HERC6: variants seen among roughly 807,000 people sequenced by gnomAD.
The protein encoded by HERC6 is HECT and RLD domain containing E3 ubiquitin protein ligase family member 6.
Under a neutral mutation model 114.5 loss-of-function variants are expected in HERC6, and 101 were observed. The observed-to-expected ratio is 0.88, with a 90% confidence interval of 0.75 to 1.04. The LOEUF (loss-of-function observed/expected upper bound fraction) is 1.04, where lower values mean the gene tolerates loss of function less well. HERC6 is among the 50% of genes least tolerant of loss of function. HERC6 has a pLI of 0.00. For missense variants in HERC6, 1,133 were observed against 1,230.9 expected (o/e 0.92, Z 1.19); for synonymous variants, 408 against 436.2 (o/e 0.94, Z 0.81).
intron 4 of HERC6, among the ~76,000 whole-genome samples, chr4:88,393,207 A>G (rs1459470897): frequency 1.3e-5 from 2 of 152,274 alleles, no homozygotes; most frequent in Non-Finnish European, 2.9e-5. Flanking sequence ...CTCCCAAGGT[A>G]GGGTTTTTCC....
chr4:88,439,925 A>G lies in HERC6; in HGVS notation c.2607A>G (p.Lys869=), dbSNP rs185317409. The G allele has an allele frequency of 5.9e-5, 94 of 1,604,712 alleles. No individual in the cohort carries two copies. The Admixed American group carries it at 1.6e-3, about 27-fold the overall frequency. The part of the protein sequence containing the change: ...YIDYIFNVSV[K]AVYEEFQRGF... ...ATTACATTTTCAACGTCTCTGTAAA[A>G]GCAGTTTATGAGGAATTTCAGAGAG... Residue 869 remains lysine, a synonymous_variant, in exon 21 of 23, where the codon AAA becomes AAG. Transcript: ENST00000264346.
At chr4:88,397,244 C>T (rs1483972566) in intron 7 of HERC6, among the ~76,000 whole-genome samples, 1 of 151,770 alleles carries the variant, frequency 6.6e-6, no homozygotes, top group African/African-American at 2.4e-5. Context: ...TCCTGAGTAG[C>T]TGGGATTACA....
At chr4:88,393,641 A>C in intron 5 of HERC6, 59 bp downstream of exon 5, 1 of 1,006,474 alleles carries the variant, frequency 9.9e-7, no homozygotes, top group South Asian at 1.4e-5. Flanking sequence ...CAAGATACAT[A>C]TGTACTAATT....
At chr4:88,400,332 G>A (rs1055205980) in intron 8 of HERC6, among the ~76,000 whole-genome samples, 5 of 152,118 alleles carry the variant, frequency 3.3e-5, no homozygotes, top group African/African-American at 9.7e-5. Context: ...CTCCCGAGTA[G>A]CCAGGGCTAC....
chr4:88,380,393 AAT>A (rs1189378220), intron 1 of HERC6, among the ~76,000 whole-genome samples: 8 of 93,438 alleles, frequency 8.6e-5, no homozygotes, highest in Non-Finnish European at 1.4e-4. Flanking sequence ...ATAATATATA[AAT>A]ATATATATAT....
rs577347522 is a variant in HERC6, at chr4:88,427,749, G to A, written c.1936-831G>A. 3.9e-5 allele frequency among the ~76,000 whole-genome samples: 6 copies of A among 152,286 alleles called. No individual in the cohort carries two copies. The East Asian group carries it at 1.2e-3, about 29-fold the overall frequency. On this transcript the variant is annotated intron_variant, in intron 15 of 22. Transcript: ENST00000264346. Reference sequence around the variant, plus strand: ...ATAGCTATTATCCTCTGGTCTTGCTGTCACGATTTCAGGACAGGCCCTATG... The same window carrying A: ...ATAGCTATTATCCTCTGGTCTTGCTATCACGATTTCAGGACAGGCCCTATG...
chr4:88,386,819 C>T (rs1415284727), intron 3 of HERC6, among the ~76,000 whole-genome samples: 1 of 152,154 alleles, frequency 6.6e-6, no homozygotes, highest in African/African-American at 2.4e-5. Context: ...TTATGCCTTG[C>T]TTTTAGGCAG....
chr4:88,409,615 G>A (rs72879365), intron 11 of HERC6, among the ~76,000 whole-genome samples: 1 of 152,152 alleles, frequency 6.6e-6, no homozygotes, highest in African/African-American at 2.4e-5. Context: ...TGGGAAGCAG[G>A]ATAACCTTAT....
intron 15 of HERC6, among the ~76,000 whole-genome samples, chr4:88,427,371 C>T (rs551776382): frequency 6.6e-6 from 1 of 152,066 alleles, no homozygotes; most frequent in African/African-American, 2.4e-5. Flanking sequence ...GAGGACATTG[C>T]TGGCCACAAA....
intron 19 of HERC6, 139 bp from the exon 20 acceptor site, chr4:88,437,572 T>C (rs1738888480): frequency 1.6e-6 from 1 of 634,886 alleles, no homozygotes; most frequent in Non-Finnish European, 2.8e-6. Flanking sequence ...TTTAAAAGGC[T>C]GAACTACATA....
intron 2 of HERC6, among the ~76,000 whole-genome samples, chr4:88,383,677 C>T (rs923668247): frequency 7.2e-6 from 1 of 138,834 alleles, no homozygotes; most frequent in East Asian, 2.4e-4. Context: ...GCGGGAGAAT[C>T]GCTTGAACCT....
Position 88,383,320 on chromosome 4 carries a change from G to T in HERC6, c.299G>T (p.Gly100Val). The T allele has an allele frequency of 6.4e-7, 1 of 1,568,610 alleles. No homozygotes were observed. Among genetic ancestry groups the T allele is most frequent in the South Asian group, 1.2e-5 (1 of 84,762 alleles). Residue 100 changes from glycine to valine, a missense_variant, in exon 2 of 23, where the codon GGA becomes GTA. Gly to Val is a moderately radical substitution (Grantham distance 109). Transcript: ENST00000264346. ...VCHKGRVFAWGAGSEGQLGIG... is the reference protein window; with the variant it reads ...VCHKGRVFAWVAGSEGQLGIG... ...CACAAAGGAAGGGTCTTCGCATGGG[G>T]AGCTGGTTCTGAAGGGCAGCTGGGG...
chr4:88,439,937 G>T lies in HERC6; in HGVS notation c.2619G>T (p.Glu873Asp). ...IFNVSVKAVY[E>D]EFQRGFYRVC... The stretch of plus-strand genomic sequence containing the variant: ...ACGTCTCTGTAAAAGCAGTTTATGA[G>T]GAATTTCAGAGAGGATTTTATAGAG... Residue 873 changes from glutamate (E) to aspartate (D), a missense_variant, in exon 21 of 23, where the codon GAG becomes GAT. This residue lies in a region of HERC6 where 388 missense variants were observed against 445.9 expected (regional missense o/e 0.87). Transcript: ENST00000264346. The T allele has an allele frequency of 6.2e-7, 1 of 1,605,970 alleles. No homozygotes were observed. Among genetic ancestry groups the T allele is most frequent in the African/African-American group, 1.4e-5 (1 of 74,054 alleles).
At chr4:88,435,642 C>T (rs1174061829) in intron 17 of HERC6, 83 bp from the exon 18 acceptor site, 2 of 977,862 alleles carry the variant, frequency 2.0e-6, no homozygotes, top group South Asian at 4.3e-5. Flanking sequence ...AAAAGGGAAC[C>T]ACATTTTTTT....
chr4:88,417,213 CA>C (rs1489008582), intron 12 of HERC6, among the ~76,000 whole-genome samples: 1 of 152,006 alleles, frequency 6.6e-6, no homozygotes, highest in African/African-American at 2.4e-5. Context: ...TTGAGCTTTT[CA>C]AAATTCTAAT....
chr4:88,430,188 A>G (rs1267792755), intron 16 of HERC6, among the ~76,000 whole-genome samples: 1 of 152,220 alleles, frequency 6.6e-6, no homozygotes, highest in Admixed American at 6.5e-5. Flanking sequence ...ATTAAAAGAT[A>G]AAAGTAAATT....
Position 88,383,210 on chromosome 4 carries a change from G to A in HERC6, c.200-11G>A, listed in dbSNP as rs776773165. The A allele has an allele frequency of 6.2e-6, 10 of 1,607,996 alleles. 1 individual carries two copies. The South Asian group carries it at 1.1e-4, about 18-fold the overall frequency. On this transcript the variant is annotated splice_polypyrimidine_tract_variant and intron_variant, in intron 1 of 22. Coordinates refer to ENST00000264346, the MANE Select transcript of HERC6 (RefSeq NM_017912.4). ...TGGTGGTTGGGGGGTGTTTTGTTTT[G>A]TTTCCCAAAGAACCAATTCAGGCAT... is the stretch of plus-strand genomic sequence containing the variant.
chr4:88,384,132 T>C (rs28532472), intron 2 of HERC6, among the ~76,000 whole-genome samples: 22,582 of 152,162 alleles, frequency 0.15, 1,888 homozygotes, highest in Non-Finnish European at 0.19. Flanking sequence ...TCAGTTGTCA[T>C]TAAGATAGAC....
At chr4:88,383,984 AC>A (rs1314157135) in intron 2 of HERC6, among the ~76,000 whole-genome samples, 1 of 152,028 alleles carries the variant, frequency 6.6e-6, no homozygotes, top group African/African-American at 2.4e-5. Context: ...GGGTATAAAG[AC>A]CACTGTAAAG....
Sources: allele counts gnomAD v4.1 joint callset (sites outside exome capture counted in the v4.1 genomes callset), GRCh38; gene constraint gnomAD v4.1.1; regional missense constraint gnomAD v4.1.1; transcripts MANE v1.5; gene names NCBI Gene and HGNC (gene_info 2026-07-23, HGNC 2026-07-21).